The following ADGRV1 variants were observed in gnomAD, a reference collection of about 807,000 sequenced individuals.
The protein encoded by ADGRV1 is adhesion G protein-coupled receptor V1.
ADGRV1 carries 359 observed loss-of-function variants against 596.2 expected under a neutral mutation model. The ratio of observed to expected loss-of-function variants is 0.60; its 90% CI spans 0.55 to 0.66. The LOEUF (loss-of-function observed/expected upper bound fraction) is 0.66, where lower values mean the gene tolerates loss of function less well. Ranked by LOEUF, ADGRV1 falls within the 30% of genes least tolerant of loss-of-function variation. ADGRV1 has a pLI of 0.00. For synonymous variants in ADGRV1, 2,681 were observed against 2,679.2 expected (o/e 1.00, Z -0.02); for missense variants, 7,274 against 7,575.6 (o/e 0.96, Z 1.48).
At chr5:90,934,778 G>A (rs1361351536) in intron 83 of ADGRV1, among the ~76,000 whole-genome samples, 5 of 152,158 alleles carry the variant, frequency 3.3e-5, no homozygotes, top group Non-Finnish European at 5.9e-5. Context: ...GTAAGAGCAG[G>A]GCACTTACAA....
At chr5:90,756,402 G>T in intron 55 of ADGRV1, 52 bp from the exon 56 acceptor site, 1 of 1,261,776 alleles carries the variant, frequency 7.9e-7, no homozygotes. Flanking sequence ...TTCAATGCAA[G>T]TTAAATGTCT....
intron 21 of ADGRV1, among the ~76,000 whole-genome samples, chr5:90,665,580 A>AT (rs924626531): frequency 4.0e-4 from 60 of 150,736 alleles, no homozygotes; most frequent in African/African-American, 1.3e-3. Flanking sequence ...GGATTCATTA[A>AT]TTTTTTGAAG....
chr5:90,876,399 A>ATT (rs1554142598), intron 83 of ADGRV1, among the ~76,000 whole-genome samples: 2 of 152,212 alleles, frequency 1.3e-5, no homozygotes, highest in Non-Finnish European at 2.9e-5. Context: ...ATTATATAAA[A>ATT]ATATCCATGT....
intron 70 of ADGRV1, 117 bp from the exon 71 acceptor site, chr5:90,802,622 A>G (rs1385928130): frequency 1.6e-5 from 13 of 794,158 alleles, no homozygotes; most frequent in Non-Finnish European, 2.2e-5. Flanking sequence ...AAGTGCATGT[A>G]TTGATGAAAC....
At chr5:90,647,104 A>T (rs372236422) in intron 16 of ADGRV1, among the ~76,000 whole-genome samples, 1 of 152,144 alleles carries the variant, frequency 6.6e-6, no homozygotes, top group African/African-American at 2.4e-5. Flanking sequence ...GTTAATGTGT[A>T]CTTAATGAAT....
intron 70 of ADGRV1, among the ~76,000 whole-genome samples, chr5:90,802,366 C>T (rs148302772): frequency 3.3e-3 from 505 of 152,216 alleles, no homozygotes; most frequent in African/African-American, 0.011. Context: ...CAGGTTTGCA[C>T]CACCAAGCCC....
Position 90,694,830 on chromosome 5 carries a change from AG to A in ADGRV1, c.7945+130del, listed in dbSNP as rs1226034521. On this transcript the variant is annotated intron_variant, in intron 33 of 89. Coordinates refer to ENST00000405460, the MANE Select transcript of ADGRV1 (RefSeq NM_032119.4). ...ATATACAGAAATGTAGTTTGGCTTT[AG>A]AAAAAAATAGAAGTTAATTGGCTTG... is the stretch of plus-strand genomic sequence containing the variant. 2.1e-5 allele frequency: 17 copies of A among 823,128 alleles called. No individual in the cohort carries two copies. In the African/African-American group the frequency reaches 2.8e-4, roughly 13 times the overall value. 51.0% of individuals were successfully genotyped at this position (823,128 alleles called of 1,614,324 possible).
At chr5:90,885,702 A>G (rs1488223129) in intron 83 of ADGRV1, among the ~76,000 whole-genome samples, 1 of 152,156 alleles carries the variant, frequency 6.6e-6, no homozygotes, top group African/African-American at 2.4e-5. Flanking sequence ...TACTGTGGAG[A>G]TAAGGAGTGC....
chr5:91,125,704 T>C (rs1236344445), intron 87 of ADGRV1, among the ~76,000 whole-genome samples: 3 of 152,238 alleles, frequency 2.0e-5, no homozygotes, highest in Admixed American at 2.0e-4. Context: ...GGAGAAGAGT[T>C]GCACGGCCTT....
chr5:90,877,159 A>G (rs1244227458), intron 83 of ADGRV1, among the ~76,000 whole-genome samples: 3 of 152,230 alleles, frequency 2.0e-5, no homozygotes, highest in African/African-American at 7.2e-5. Context: ...GGAAGAATCT[A>G]CATATAATTA....
At chr5:90,564,384 G>A (rs1755262469) in intron 1 of ADGRV1, among the ~76,000 whole-genome samples, 1 of 152,088 alleles carries the variant, frequency 6.6e-6, no homozygotes, top group Non-Finnish European at 1.5e-5. Flanking sequence ...TGGAAGAGAG[G>A]GAGTGGAAAA....
intron 84 of ADGRV1, among the ~76,000 whole-genome samples, chr5:90,972,542 A>G (rs1173767768): frequency 2.0e-5 from 3 of 152,242 alleles, no homozygotes; most frequent in Non-Finnish European, 2.9e-5. Flanking sequence ...CTCAGGATTA[A>G]GAAACTCACT....
At chr5:90,960,137 CA>C (rs35383493) in intron 83 of ADGRV1, among the ~76,000 whole-genome samples, 39 of 103,976 alleles carry the variant, frequency 3.8e-4, no homozygotes, top group Middle Eastern at 5.0e-3. Flanking sequence ...AGACTCATCT[CA>C]AAAAAAAAAA....
chr5:90,937,527 G>A (rs1211374923), intron 83 of ADGRV1, among the ~76,000 whole-genome samples: 4 of 149,038 alleles, frequency 2.7e-5, no homozygotes, highest in Admixed American at 2.0e-4. Context: ...GCGTGATCGC[G>A]GCTCACTGCA....
chr5:90,948,642 C>T (rs1486282040), intron 83 of ADGRV1, among the ~76,000 whole-genome samples: 1 of 152,088 alleles, frequency 6.6e-6, no homozygotes, highest in African/African-American at 2.4e-5. Context: ...GTTTAAAATG[C>T]ATTAAATATA....
intron 80 of ADGRV1, 29 bp downstream of exon 80, chr5:90,853,562 G>A: frequency 3.1e-6 from 5 of 1,587,434 alleles, no homozygotes; most frequent in Non-Finnish European, 4.3e-6. Context: ...CACTTATGTG[G>A]TTGGAATCTG....
intron 85 of ADGRV1, among the ~76,000 whole-genome samples, chr5:91,066,527 A>AC (rs1444544024): frequency 6.6e-6 from 1 of 152,198 alleles, no homozygotes; most frequent in East Asian, 1.9e-4. Context: ...AGAAAATAAT[A>AC]CCTATCAGCT....
At chr5:90,906,673 G>A (rs78331558) in intron 83 of ADGRV1, among the ~76,000 whole-genome samples, 30,878 of 151,634 alleles carry the variant, frequency 0.2, 5,062 homozygotes, top group African/African-American at 0.45. Context: ...TTAACTTTTC[G>A]AATACCAACT....
At position 90,622,614 on chromosome 5, in the gene ADGRV1, G is replaced by T. The variant is rs749359697; in HGVS notation, c.471G>T (p.Val157=). 4.1e-6 allele frequency: 6 copies of T among 1,471,296 alleles called. No individual in the cohort carries two copies. Among genetic ancestry groups the T allele is most frequent in the Admixed American group, 2.3e-5 (1 of 43,310 alleles). 91.1% of individuals were successfully genotyped at this position (1,471,296 alleles called of 1,614,324 possible). The change falls in exon 5 of 90, where the codon GTG becomes GTT. Residue 157 remains valine, a synonymous_variant. Coordinates refer to ENST00000405460, the MANE Select transcript of ADGRV1 (RefSeq NM_032119.4). ...ISFNMLPSIA[V]SEPKGRNESM... ...CTCAATAGCTTCCCTCAATCGCAGT[G>T]AGTGAGCCCAAGGGCAGAAATGAGT...
Sources: gnomAD v4.1 joint callset for allele counts (sites outside exome capture counted in the v4.1 genomes callset) on GRCh38, gnomAD v4.1.1 for gene constraint, MANE v1.5 for transcripts, NCBI Gene and HGNC (gene_info 2026-07-23, HGNC 2026-07-21) for gene names.